Variants in VIPR2 observed in about 807,000 individuals in gnomAD.
VIPR2 encodes vasoactive intestinal peptide receptor 2.
VIPR2 carries 48 observed loss-of-function variants against 58.0 expected under a neutral mutation model. The observed-to-expected ratio is 0.83, with a 90% CI of 0.66 to 1.05. VIPR2 has a LOEUF of 1.05. Among genes scored for constraint, VIPR2 ranks in the 50% least tolerant of loss-of-function variants. The pLI is 0.00. For synonymous variants in VIPR2, 243 were observed against 235.2 expected, an observed-to-expected ratio of 1.03 and a Z score of -0.30; for missense variants, 534 against 558.0, an observed-to-expected ratio of 0.96 and a Z score of 0.43.
At chr7:159,032,168 G>C in intron 10 of VIPR2, 101 bp from the exon 11 acceptor site, 1 of 1,480,038 alleles carries the variant, frequency 6.8e-7, no homozygotes, top group South Asian at 1.3e-5. Context: ...TGTGGGAGGG[G>C]CTCCACACCT....
chr7:159,040,256 T>C (rs1585341226), intron 6 of VIPR2, among the ~76,000 whole-genome samples: 1 of 152,100 alleles, frequency 6.6e-6, no homozygotes, highest in Middle Eastern at 3.4e-3. Context: ...ACCCACAGGG[T>C]TGATGTGAGG....
intron 2 of VIPR2, among the ~76,000 whole-genome samples, chr7:159,132,686 C>T (rs1470398998): frequency 7.9e-5 from 12 of 152,272 alleles, no homozygotes; most frequent in South Asian, 2.1e-4. Flanking sequence ...AAATCATTCA[C>T]GGACGGGCTC....
chr7:159,034,581 G>A lies in VIPR2; in HGVS notation c.879C>T (p.Ile293=), dbSNP rs1312800708. ...VIRIPILISI[I]VNFVLFISII... is the part of the protein sequence containing the mutation. The stretch of plus-strand genomic sequence containing the variant: ...CCACATGTCAACAGGGACTACTTAC[G>A]ATGATGGAAATTAAAATCGGTATTC... Residue 293 remains isoleucine, a splice_region_variant and synonymous_variant, in exon 9 of 13, where the codon ATC becomes ATT. Coordinates refer to ENST00000262178, the MANE Select transcript of VIPR2 (RefSeq NM_003382.5). The A allele has an allele frequency of 4.3e-6, 7 of 1,613,084 alleles. No homozygotes were observed. The highest frequency in any genetic ancestry group is 1.3e-5 in the African/African-American group (1 of 74,900).
chr7:159,048,951 C>G (rs1377401189), intron 5 of VIPR2, among the ~76,000 whole-genome samples: 2 of 152,208 alleles, frequency 1.3e-5, no homozygotes, highest in Admixed American at 6.5e-5. Flanking sequence ...CTCTCCCACT[C>G]AAAAGATTCC....
chr7:159,112,310 G>C (rs1169746239), intron 2 of VIPR2, among the ~76,000 whole-genome samples: 1 of 152,244 alleles, frequency 6.6e-6, no homozygotes, highest in Non-Finnish European at 1.5e-5. Context: ...GCGGACTCGA[G>C]GGCGTCAGGG....
In VIPR2 at chr7:159,099,506, C is replaced by A. The variant is rs913767197; in HGVS notation, c.357+4251G>T. On this transcript the variant is annotated intron_variant, in intron 4 of 12. Coordinates refer to ENST00000262178, the MANE Select transcript of VIPR2 (RefSeq NM_003382.5). The surrounding 1 kb of genome is among the most constrained non-coding windows in gnomAD (Gnocchi z 4.2). ...GGCGGCTGTCACTGCCTCCCAGATC[C>A]ACATCACTCTTTATAACCCAGGCTG... Among the ~76,000 whole-genome samples, 2 of 152,182 alleles carry A rather than the reference C, an allele frequency of 1.3e-5. No homozygotes were observed. The highest frequency in any genetic ancestry group is 4.8e-5 in the African/African-American group (2 of 41,448).
rs1253268952 is a variant in VIPR2 at position 159,104,519 on chromosome 7, CTGG to C, written c.260-668_260-666del. Among the ~76,000 whole-genome samples, 19 of 144,076 alleles carry C rather than the reference CTGG, an allele frequency of 1.3e-4. No individual in the cohort carries two copies. The South Asian group carries it at 2.7e-3, about 21-fold the overall frequency. 94.5% of individuals were successfully genotyped at this position (144,076 alleles called of 152,430 possible). A position where few individuals can be genotyped will look rare whatever the true frequency, so the allele number is the denominator to read the frequency against. On this transcript the variant is annotated intron_variant, in intron 3 of 12. Transcript: ENST00000262178. ...GTTCCTGACAGCACCCTACCTCCTCCTGGCAGCACCCTCCCTCCTCCCAGCAAT... is the reference window on the plus strand; with the variant it reads ...GTTCCTGACAGCACCCTACCTCCTCCCAGCACCCTCCCTCCTCCCAGCAAT...
At chr7:159,063,727 G>T (rs1855868506) in intron 4 of VIPR2, among the ~76,000 whole-genome samples, 1 of 146,876 alleles carries the variant, frequency 6.8e-6, no homozygotes, top group Non-Finnish European at 1.5e-5. Flanking sequence ...GTTCCTGGCG[G>T]GTCGGAGGGC....
chr7:159,087,959 C>G (rs1857277202), intron 4 of VIPR2, among the ~76,000 whole-genome samples: 1 of 152,228 alleles, frequency 6.6e-6, no homozygotes, highest in African/African-American at 2.4e-5. Context: ...AAACAATACC[C>G]AAGTGGGGGC....
At chr7:159,108,712 G>A (rs1186734576) in intron 3 of VIPR2, among the ~76,000 whole-genome samples, 2 of 152,196 alleles carry the variant, frequency 1.3e-5, no homozygotes, top group Non-Finnish European at 2.9e-5. Context: ...AGGCTGCTGG[G>A]TGCTTTCTGG....
At position 159,031,764 on chromosome 7, in the gene VIPR2, C is replaced by T; in HGVS notation, c.1143+64G>A. The T allele has an allele frequency of 6.2e-7, 1 of 1,612,140 alleles. No individual in the cohort carries two copies. The highest frequency in any genetic ancestry group is 8.5e-7 in the Non-Finnish European group (1 of 1,179,714). On this transcript the variant is annotated intron_variant, in intron 12 of 12. Transcript: ENST00000262178. This position sits in a 1 kb window ranked among gnomAD's most constrained non-coding sequence, Gnocchi z 4.0. ...CATGTGTGGGGGCTGCGGCACCAGGCTGGGCAGCATCTCAGGAAGCAAGTG... is the reference window on the plus strand; with the variant it reads ...CATGTGTGGGGGCTGCGGCACCAGGTTGGGCAGCATCTCAGGAAGCAAGTG...
chr7:159,106,667 C>CAG (rs1435438334), intron 3 of VIPR2, among the ~76,000 whole-genome samples: 8 of 81,328 alleles, frequency 9.8e-5, no homozygotes, highest in South Asian at 8.1e-4. Context: ...CAGGGAGGGG[C>CAG]AGAGAGGCCA....
chr7:159,144,425 G>A (rs977823568), intron 1 of VIPR2: 17 of 1,547,594 alleles, frequency 1.1e-5, no homozygotes, highest in Non-Finnish European at 1.5e-5. Flanking sequence ...CGAGCTCATC[G>A]TTGACGCGTC....
At chr7:159,117,376 G>A (rs750538184) in intron 2 of VIPR2, 98 of 717,354 alleles carry the variant, frequency 1.4e-4, no homozygotes, top group Middle Eastern at 2.3e-4. Flanking sequence ...TAAACCTCCG[G>A]CGTGAATGAG....
In VIPR2 at chr7:159,127,970, C is replaced by T. The variant is rs74790021; in HGVS notation, c.151+14476G>A. Among the ~76,000 whole-genome samples, 5,739 of 152,240 alleles carry T rather than the reference C, an allele frequency of 0.038. 171 individuals are homozygous for T. The highest frequency in any genetic ancestry group is 0.088 in the East Asian group (452 of 5,162). On this transcript the variant is annotated intron_variant, in intron 2 of 12. Coordinates refer to ENST00000262178, the MANE Select transcript of VIPR2 (RefSeq NM_003382.5). This position sits in a 1 kb window ranked among gnomAD's most constrained non-coding sequence, Gnocchi z 4.6. ...ATCTTCCATAGATTTATGATTGGGACTTGTGTCTCTTCCTGGATCATCCCA... is the reference window on the plus strand; with the variant it reads ...ATCTTCCATAGATTTATGATTGGGATTTGTGTCTCTTCCTGGATCATCCCA...
intron 4 of VIPR2, among the ~76,000 whole-genome samples, chr7:159,085,454 C>G (rs886316059): frequency 6.6e-6 from 1 of 152,184 alleles, no homozygotes; most frequent in African/African-American, 2.4e-5. Flanking sequence ...TGCCACCACG[C>G]CCGGCTAATT....
intron 4 of VIPR2, among the ~76,000 whole-genome samples, chr7:159,063,093 C>A (rs1294608234): frequency 5.3e-5 from 8 of 152,244 alleles, no homozygotes; most frequent in African/African-American, 1.9e-4. Flanking sequence ...CCTAGTGTAT[C>A]CTGCACCGGG....
chr7:159,119,385 C>T (rs188337108), intron 2 of VIPR2, among the ~76,000 whole-genome samples: 12 of 152,310 alleles, frequency 7.9e-5, no homozygotes, highest in Admixed American at 5.2e-4. Flanking sequence ...TGCAGGGTGG[C>T]GGCACTCAGA....
chr7:159,064,231 C>A (rs1855947941), intron 4 of VIPR2, among the ~76,000 whole-genome samples: 1 of 152,064 alleles, frequency 6.6e-6, no homozygotes, highest in African/African-American at 2.4e-5. Flanking sequence ...GCTCCTTCTT[C>A]CCGCATTTCA....
Sources: gnomAD v4.1 joint callset for allele counts (sites outside exome capture counted in the v4.1 genomes callset) on GRCh38, gnomAD v4.1.1 for gene constraint, Gnocchi (gnomAD v3.1) non-coding constraint, MANE v1.5 for transcripts, NCBI Gene and HGNC (gene_info 2026-07-23, HGNC 2026-07-21) for gene names.